Variants in GALNT13 observed in about 807,000 individuals in gnomAD.
The protein encoded by GALNT13 is polypeptide N-acetylgalactosaminyltransferase 13.
Under a neutral mutation model 64.2 loss-of-function variants are expected in GALNT13, and 28 were observed. The ratio of observed to expected loss-of-function variants is 0.44; its 90% CI spans 0.32 to 0.60. The LOEUF is 0.60. Ranked by LOEUF, GALNT13 falls within the 20% of genes least tolerant of loss-of-function variation. The probability of loss-of-function intolerance (pLI) is 0.05; values close to 1 mark genes in which losing one functional copy is unlikely to be tolerated. For synonymous variants in GALNT13, 214 were observed against 224.6 expected, an observed-to-expected ratio of 0.95 and a Z score of 0.42; for missense variants, 577 against 669.8, an observed-to-expected ratio of 0.86 and a Z score of 1.53.
At chr2:154,141,547 A>G (rs1044376250) in intron 4 of GALNT13, among the ~76,000 whole-genome samples, 1 of 152,152 alleles carries the variant, frequency 6.6e-6, no homozygotes, top group African/African-American at 2.4e-5. Context: ...AGGATCATCA[A>G]ACATCACTAG....
intron 9 of GALNT13, 132 bp downstream of exon 9, chr2:154,301,721 C>A: frequency 3.4e-6 from 2 of 592,968 alleles, no homozygotes; most frequent in South Asian, 3.3e-5. Flanking sequence ...CAGAAAACGG[C>A]ATATGAGAAA....
At chr2:154,189,711 A>G (rs139884664) in intron 4 of GALNT13, among the ~76,000 whole-genome samples, 1 of 152,208 alleles carries the variant, frequency 6.6e-6, no homozygotes, top group East Asian at 1.9e-4. Context: ...AATGGTAAAC[A>G]TAACAGTGTT....
intron 3 of GALNT13, among the ~76,000 whole-genome samples, chr2:154,118,546 C>T (rs1304680911): frequency 1.3e-5 from 2 of 151,470 alleles, no homozygotes; most frequent in African/African-American, 4.8e-5. Flanking sequence ...GGACTTACTA[C>T]TGTCACTTTG....
At chr2:154,405,351 A>G (rs945741745) in intron 10 of GALNT13, among the ~76,000 whole-genome samples, 3 of 152,060 alleles carry the variant, frequency 2.0e-5, no homozygotes, top group African/African-American at 2.4e-5. Flanking sequence ...AAAAATTGGA[A>G]ACTAAATTGT....
At chr2:154,277,979 A>G (rs180928780) in intron 8 of GALNT13, among the ~76,000 whole-genome samples, 1 of 152,250 alleles carries the variant, frequency 6.6e-6, no homozygotes, top group East Asian at 1.9e-4. Context: ...TCTATCATCA[A>G]AGTTTTGGCA....
rs369643283 is a variant in GALNT13 at position 154,313,483 on chromosome 2, T to C, written c.1156+11894T>C. 8.6e-5 allele frequency among the ~76,000 whole-genome samples: 13 copies of C among 151,122 alleles called. No individual in the cohort carries two copies. The South Asian group carries it at 2.7e-3, about 32-fold the overall frequency. ...TATAAATACATATATTTAGATGGAG[T>C]CTCACTCTGACGCCAGGCTGGAGAG... On this transcript the variant is annotated intron_variant, in intron 9 of 12. Transcript: ENST00000392825.
the GALNT13 span, among the ~76,000 whole-genome samples, chr2:153,788,981 A>G: frequency 6.6e-6 from 1 of 152,214 alleles, no homozygotes; most frequent in African/African-American, 2.4e-5. Flanking sequence ...AGACACTTAT[A>G]TTCTCACACA....
the GALNT13 span, among the ~76,000 whole-genome samples, chr2:153,190,545 G>A: frequency 6.6e-6 from 1 of 151,910 alleles, no homozygotes; most frequent in Non-Finnish European, 1.5e-5. Context: ...TTTTTTCTCA[G>A]TATTGCTTTG....
At chr2:153,620,787 G>A in the GALNT13 span, among the ~76,000 whole-genome samples, 2 of 151,816 alleles carry the variant, frequency 1.3e-5, no homozygotes, top group Admixed American at 1.3e-4. Context: ...CATTTGATGA[G>A]GTTAAGTTTT....
chr2:154,311,787 C>G (rs924664365), intron 9 of GALNT13, among the ~76,000 whole-genome samples: 15 of 152,308 alleles, frequency 9.8e-5, no homozygotes, highest in Middle Eastern at 3.4e-3. Flanking sequence ...AGACCTACCC[C>G]TAGGTGCGCA....
chr2:154,445,664 C>A, intron 12 of GALNT13: 1 of 317,228 alleles, frequency 3.2e-6, no homozygotes. Context: ...AAATTATGTA[C>A]TATTTTACTG....
At chr2:154,456,414 C>A (rs898228876), downstream of GALNT13, among the ~76,000 whole-genome samples, 1 of 151,876 alleles carries the variant, frequency 6.6e-6, no homozygotes, top group Middle Eastern at 3.4e-3. Context: ...TTAAAATATG[C>A]CAATTTAGTT....
At chr2:154,361,900 A>G (rs1382217310) in intron 9 of GALNT13, among the ~76,000 whole-genome samples, 1 of 152,046 alleles carries the variant, frequency 6.6e-6, no homozygotes, top group African/African-American at 2.4e-5. Flanking sequence ...CACTCTTTCC[A>G]AGACTTATTT....
intron 11 of GALNT13, among the ~76,000 whole-genome samples, chr2:154,410,976 T>G (rs2105397353): frequency 6.6e-6 from 1 of 152,038 alleles, no homozygotes; most frequent in Non-Finnish European, 1.5e-5. Context: ...CTGGCAGTCC[T>G]ATATCTTACT....
At chr2:153,810,418 G>A in the GALNT13 span, among the ~76,000 whole-genome samples, 2 of 152,076 alleles carry the variant, frequency 1.3e-5, no homozygotes, top group East Asian at 1.9e-4. Flanking sequence ...CATATTAAGA[G>A]GTTTAATCTA....
At chr2:153,188,265 T>G in the GALNT13 span, among the ~76,000 whole-genome samples, 1 of 152,148 alleles carries the variant, frequency 6.6e-6, no homozygotes, top group Non-Finnish European at 1.5e-5. Flanking sequence ...TAATTTTACC[T>G]CCTATTGGGT....
chr2:154,053,417 C>G (rs1338656111), intron 3 of GALNT13, among the ~76,000 whole-genome samples: 2 of 151,304 alleles, frequency 1.3e-5, no homozygotes, highest in Non-Finnish European at 2.9e-5. Context: ...TTCTTGCCCT[C>G]TCCTTTAAAA....
At chr2:153,695,719 A>G in the GALNT13 span, among the ~76,000 whole-genome samples, 2 of 137,544 alleles carry the variant, frequency 1.5e-5, no homozygotes, top group African/African-American at 5.0e-5. Context: ...ATTTTTATAA[A>G]TGTTGATTAA....
chr2:154,217,999 C>G (rs1313397129), intron 4 of GALNT13, among the ~76,000 whole-genome samples: 1 of 152,078 alleles, frequency 6.6e-6, no homozygotes, highest in African/African-American at 2.4e-5. Context: ...AGATATCCAA[C>G]AAGCCTATAC....
Sources: gnomAD v4.1 joint callset for allele counts (sites outside exome capture counted in the v4.1 genomes callset) on GRCh38, gnomAD v4.1.1 for gene constraint, MANE v1.5 for transcripts, NCBI Gene and HGNC (gene_info 2026-07-23, HGNC 2026-07-21) for gene names.